Variants in RNF216 observed in about 807,000 individuals in gnomAD.
RNF216 encodes the protein E3 ubiquitin-protein ligase RNF216.
Under a neutral mutation model 110.8 loss-of-function variants are expected in RNF216, and 72 were observed. The observed-to-expected ratio is 0.65, with a 90% CI of 0.54 to 0.79. RNF216 has a LOEUF of 0.79. Among genes scored for constraint, RNF216 ranks in the 30% least tolerant of loss-of-function variants. The pLI is 0.00. For missense variants in RNF216, 1,342 were observed against 1,141.2 expected (o/e 1.18, Z -2.54); for synonymous variants, 495 against 407.5 (o/e 1.21, Z -2.59).
Position 5,741,047 on chromosome 7 carries a change from T to G in RNF216, c.970A>C (p.Asn324His), listed in dbSNP as rs1029182217. ...AFPMQESQEP[N>H]LENIWGQEAA... Reference sequence around the variant, plus strand: ...TCTTGCCCCCAAATGTTTTCCAAATTGGGCTCTTGAGATTCTTGCATTGGA... The same window carrying G: ...TCTTGCCCCCAAATGTTTTCCAAATGGGGCTCTTGAGATTCTTGCATTGGA... Residue 324 changes from asparagine to histidine, a missense_variant, in exon 4 of 17, where the codon AAT becomes CAT. Transcript: ENST00000389902. 1.9e-6 allele frequency: 3 copies of G among 1,614,116 alleles called. No homozygotes were observed. The highest frequency in any genetic ancestry group is 1.7e-5 in the Admixed American group (1 of 60,010).
At position 5,641,144 on chromosome 7, in the gene RNF216, G is replaced by A. The variant is rs1787708029; in HGVS notation, c.2382+10C>T. 3 of 1,591,862 alleles carry A rather than the reference G, an allele frequency of 1.9e-6. No homozygotes were observed. The highest frequency in any genetic ancestry group is 2.2e-5 in the South Asian group (2 of 90,452). Reference sequence around the variant, plus strand: ...CCTATAAAGCAATAGGCAGCCATGTGTCTACTTACAGTGGGATCGGTCCAG... The same window carrying A: ...CCTATAAAGCAATAGGCAGCCATGTATCTACTTACAGTGGGATCGGTCCAG... On this transcript the variant is annotated intron_variant, in intron 15 of 16. Coordinates refer to ENST00000389902, the MANE Select transcript of RNF216 (RefSeq NM_207111.4).
At chr7:5,706,009 A>G (rs1312912202) in intron 13 of RNF216, among the ~76,000 whole-genome samples, 1 of 152,026 alleles carries the variant, frequency 6.6e-6, no homozygotes, top group Non-Finnish European at 1.5e-5. Context: ...TTACGAGGTC[A>G]GGAGATCAAG....
chr7:5,722,060 T>A (rs1285097233), intron 8 of RNF216, among the ~76,000 whole-genome samples: 1 of 152,164 alleles, frequency 6.6e-6, no homozygotes, highest in Non-Finnish European at 1.5e-5. Flanking sequence ...GAGCTGGGAC[T>A]ATACAGGCAG....
intron 13 of RNF216, among the ~76,000 whole-genome samples, chr7:5,690,958 G>A (rs1310796347): frequency 6.6e-6 from 1 of 152,168 alleles, no homozygotes; most frequent in Non-Finnish European, 1.5e-5. Context: ...CTGTGGTTCA[G>A]GGCTTATCCA....
At chr7:5,750,132 G>C (rs1795255673) in intron 3 of RNF216, among the ~76,000 whole-genome samples, 1 of 152,100 alleles carries the variant, frequency 6.6e-6, no homozygotes, top group Non-Finnish European at 1.5e-5. Context: ...GACACAACTG[G>C]AAACTGGTTA....
intron 10 of RNF216, among the ~76,000 whole-genome samples, chr7:5,715,798 G>C (rs555984713): frequency 6.8e-6 from 1 of 146,330 alleles, no homozygotes; most frequent in Non-Finnish European, 1.5e-5. Context: ...CTGGAGTGCA[G>C]TGGCACGATC....
intron 13 of RNF216, among the ~76,000 whole-genome samples, chr7:5,675,485 T>TA (rs3837093): frequency 0.12 from 17,714 of 151,796 alleles, 1,199 homozygotes; most frequent in South Asian, 0.17. Context: ...AAAATAAATT[T>TA]AAAAAAATTA....
At chr7:5,658,732 C>T (rs561421701) in intron 13 of RNF216, among the ~76,000 whole-genome samples, 1 of 151,064 alleles carries the variant, frequency 6.6e-6, no homozygotes, top group East Asian at 1.9e-4. Context: ...TATTTCATTA[C>T]ACCCTTTTAA....
chr7:5,744,130 T>C (rs568800277), intron 3 of RNF216, among the ~76,000 whole-genome samples: 1 of 152,212 alleles, frequency 6.6e-6, no homozygotes, highest in Non-Finnish European at 1.5e-5. Context: ...ACAGCATGTT[T>C]AGGGAAATCA....
chr7:5,751,389 T>C (rs1476539649), intron 3 of RNF216, among the ~76,000 whole-genome samples: 1 of 152,152 alleles, frequency 6.6e-6, no homozygotes, highest in Non-Finnish European at 1.5e-5. Context: ...GTGTGTGCAC[T>C]AGACCCCAAA....
chr7:5,663,823 A>C (rs545382596), intron 13 of RNF216, among the ~76,000 whole-genome samples: 18 of 152,136 alleles, frequency 1.2e-4, no homozygotes, highest in Admixed American at 8.5e-4. Flanking sequence ...ACTTGAACCC[A>C]GAAGGCAGAG....
intron 1 of RNF216, among the ~76,000 whole-genome samples, chr7:5,778,767 G>A (rs566474245): frequency 6.6e-5 from 10 of 152,246 alleles, no homozygotes; most frequent in South Asian, 4.1e-4. Context: ...TTTTTGAGAC[G>A]GAGTCTCGCT....
At chr7:5,755,050 CAAGG>C (rs1029312848) in intron 2 of RNF216, among the ~76,000 whole-genome samples, 3 of 95,230 alleles carry the variant, frequency 3.2e-5, no homozygotes, top group Non-Finnish European at 6.3e-5. Flanking sequence ...AAAAAGGAAA[CAAGG>C]GAGGGAGGGA....
At chr7:5,762,437 C>A (rs1795983028) in intron 1 of RNF216, among the ~76,000 whole-genome samples, 1 of 151,880 alleles carries the variant, frequency 6.6e-6, no homozygotes, top group Non-Finnish European at 1.5e-5. Context: ...ATAGGCGGAT[C>A]ATGAGGTCAG....
intron 13 of RNF216, among the ~76,000 whole-genome samples, chr7:5,654,547 C>A (rs557470793): frequency 6.6e-6 from 1 of 151,604 alleles, no homozygotes. Flanking sequence ...ATTAGTTGGG[C>A]GTGGTAGCTG....
chr7:5,719,611 C>T (rs1194047815), intron 9 of RNF216, among the ~76,000 whole-genome samples: 1 of 152,052 alleles, frequency 6.6e-6, no homozygotes, highest in Non-Finnish European at 1.5e-5. Context: ...CATCAATTTG[C>T]CAATACTTTA....
chr7:5,765,952 CAAAAAAA>C (rs138328361), intron 1 of RNF216, among the ~76,000 whole-genome samples: 1 of 102,388 alleles, frequency 9.8e-6, no homozygotes, highest in African/African-American at 3.9e-5. Flanking sequence ...GACTCTGTCT[CAAAAAAA>C]AAAAAAAAGA....
intron 9 of RNF216, among the ~76,000 whole-genome samples, chr7:5,717,476 G>T (rs964475890): frequency 6.6e-6 from 1 of 152,178 alleles, no homozygotes; most frequent in Non-Finnish European, 1.5e-5. Context: ...ACACTGGTGG[G>T]GCACTGGCAC....
chr7:5,659,730 A>C (rs772564320), intron 13 of RNF216, among the ~76,000 whole-genome samples: 6 of 152,216 alleles, frequency 3.9e-5, no homozygotes, highest in Non-Finnish European at 7.3e-5. Flanking sequence ...ATTCTTGCTT[A>C]GATTTCCTCA....
Sources: allele counts gnomAD v4.1 joint callset (sites outside exome capture counted in the v4.1 genomes callset), GRCh38; gene constraint gnomAD v4.1.1; transcripts MANE v1.5; gene names NCBI Gene and HGNC (gene_info 2026-07-23, HGNC 2026-07-21).